The following ABCC2 variants were observed in gnomAD, a reference collection of about 807,000 sequenced individuals.
ABCC2 encodes the protein ATP-binding cassette sub-family C member 2.
In ABCC2, 157 loss-of-function variants were observed where a neutral mutation model predicts 173.4. The ratio of observed to expected loss-of-function variants is 0.91; its 90% CI spans 0.80 to 1.03. ABCC2 has a LOEUF of 1.03. ABCC2 is among the 50% of genes least tolerant of loss of function. The pLI, the probability that ABCC2 is intolerant of heterozygous loss-of-function variation, is 0.00. For synonymous variants in ABCC2, 657 were observed against 693.5 expected (o/e 0.95, Z 0.83); for missense variants, 1,822 against 1,852.3 (o/e 0.98, Z 0.30).
At position 99,851,524 on chromosome 10, in the gene ABCC2, A is replaced by G. The variant is rs1000373193; in HGVS notation, c.4531A>G (p.Lys1511Glu). The G allele has an allele frequency of 6.2e-7, 1 of 1,613,966 alleles. No homozygotes were observed. The highest frequency in any genetic ancestry group is 1.3e-5 in the African/African-American group (1 of 74,894). The stretch of plus-strand genomic sequence containing the variant: ...CAGGGTAATGGTCCTAGACAACGGG[A>G]AGATTATAGAGTGCGGCAGCCCTGA... The part of the protein sequence containing the change: ...SDKVMVLDNG[K>E]IIECGSPEEL... Residue 1511 changes from lysine to glutamate, a missense_variant, in exon 32 of 32, where the codon AAG (lysine) becomes GAG (glutamate). Transcript: ENST00000647814.
rs541224041 is a variant in ABCC2 at position 99,849,067 on chromosome 10, A to C, written c.4314-1535A>C. 2.3e-4 allele frequency among the ~76,000 whole-genome samples: 35 copies of C among 152,248 alleles called. 2 individuals are homozygous for C. In the South Asian group the frequency reaches 7.3e-3, roughly 32 times the overall value. ...TGGAGACACCCCATCTCTACTAAAC[A>C]TACAAAATTAGTGGGGCATGGTGGC... On this transcript the variant is annotated intron_variant, in intron 30 of 31. Coordinates refer to ENST00000647814, the MANE Select transcript of ABCC2 (RefSeq NM_000392.5).
intron 6 of ABCC2, among the ~76,000 whole-genome samples, chr10:99,795,801 A>AAGAAAGAAAGAGAGAG (rs58906337): frequency 9.8e-5 from 10 of 102,390 alleles, no homozygotes; most frequent in Admixed American, 3.0e-4. Context: ...GAAAGAAAGA[A>AAGAAAGAAAGAGAGAG]AGATTTCTAA....
rs765027508 is a variant in ABCC2, at chr10:99,804,043, A to C, written c.1234A>C (p.Arg412=). Residue 412 remains arginine (R), a synonymous_variant, in exon 10 of 32, where the codon AGG becomes CGG. Transcript: ENST00000647814. ...GGCATTGACCCTATCCAACTTGGCC[A>C]GGAAGGAGTACACCGTTGGAGAAAC... ...KKALTLSNLA[R]KEYTVGETVN... 6.2e-7 allele frequency: 1 copy of C among 1,614,214 alleles called. No homozygotes were observed. Among genetic ancestry groups the C allele is most frequent in the African/African-American group, 1.3e-5 (1 of 75,064 alleles).
Position 99,817,501 on chromosome 10 carries a change from G to A in ABCC2, c.2271+17G>A, listed in dbSNP as rs1345232099. The A allele has an allele frequency of 2.5e-6, 4 of 1,613,868 alleles. No individual in the cohort carries two copies. Among genetic ancestry groups the A allele is most frequent in the Non-Finnish European group, 2.5e-6 (3 of 1,179,884 alleles). ...GGAGAGAAGGTACTTGGGATAACAA[G>A]GGATCTTCAAGGGTGAAGGCATATT... On this transcript the variant is annotated intron_variant, in intron 17 of 31. Transcript: ENST00000647814.
chr10:99,804,369 G>T, intron 10 of ABCC2, 96 bp downstream of exon 10: 1 of 1,539,254 alleles, frequency 6.5e-7, no homozygotes, highest in Non-Finnish European at 8.9e-7. Context: ...TTTGGGCAAG[G>T]CAAAGCTGGT....
intron 2 of ABCC2, among the ~76,000 whole-genome samples, chr10:99,785,869 A>G (rs1008262761): frequency 6.6e-6 from 1 of 151,948 alleles, no homozygotes; most frequent in Non-Finnish European, 1.5e-5. Flanking sequence ...ACTAGATTCC[A>G]TTGTTCTACT....
chr10:99,814,311 A>G (rs1387938078), intron 16 of ABCC2, among the ~76,000 whole-genome samples: 2 of 126,302 alleles, frequency 1.6e-5, no homozygotes. Context: ...ACACACATGT[A>G]TATACACACG....
intron 13 of ABCC2, among the ~76,000 whole-genome samples, chr10:99,809,276 C>G (rs969928511): frequency 6.6e-6 from 1 of 152,168 alleles, no homozygotes; most frequent in African/African-American, 2.4e-5. Context: ...TCACTTGAAC[C>G]TGGGAGGTGG....
chr10:99,790,500 T>C (rs907658317), intron 2 of ABCC2, among the ~76,000 whole-genome samples: 8 of 152,212 alleles, frequency 5.3e-5, no homozygotes, highest in Non-Finnish European at 8.8e-5. Flanking sequence ...GAGTTTAATA[T>C]ATATAATCTT....
chr10:99,812,333 G>T (rs1365647217), intron 15 of ABCC2, among the ~76,000 whole-genome samples: 1 of 152,146 alleles, frequency 6.6e-6, no homozygotes, highest in African/African-American at 2.4e-5. Flanking sequence ...CACTGTTATA[G>T]GTCTGGAAGA....
chr10:99,847,191 G>T (rs1222005488), intron 30 of ABCC2, 64 bp downstream of exon 30: 1 of 1,569,524 alleles, frequency 6.4e-7, no homozygotes, highest in Non-Finnish European at 8.8e-7. Flanking sequence ...CACTCCTCGT[G>T]TTCCTCGTGT....
chr10:99,807,879 G>A (rs1349194594), intron 12 of ABCC2, among the ~76,000 whole-genome samples: 1 of 152,142 alleles, frequency 6.6e-6, no homozygotes, highest in East Asian at 1.9e-4. Flanking sequence ...CCTGAGCTCT[G>A]GTCCTAGTAA....
intron 13 of ABCC2, 138 bp from the exon 14 acceptor site, chr10:99,809,996 C>T (rs994040637): frequency 2.7e-6 from 2 of 738,106 alleles, no homozygotes; most frequent in African/African-American, 1.7e-5. Flanking sequence ...GGGATAGCTT[C>T]CGGGGCTGAG....
rs1461522153 is a variant in ABCC2 at position 99,831,977 on chromosome 10, G to A, written c.3104G>A (p.Gly1035Asp). The A allele has an allele frequency of 6.2e-7, 1 of 1,614,036 alleles. No individual in the cohort carries two copies. The highest frequency in any genetic ancestry group is 8.5e-7 in the Non-Finnish European group (1 of 1,180,026). Residue 1035 changes from glycine (G) to aspartate (D), a missense_variant and splice_region_variant, in exon 23 of 32, where the codon GGT becomes GAT. Transcript: ENST00000647814. ...CTGACAAAACTGCTTCCATCTCTAGGTATATTTGTGTTCATAGCACATTTC... is the reference window on the plus strand; with the variant it reads ...CTGACAAAACTGCTTCCATCTCTAGATATATTTGTGTTCATAGCACATTTC... ...GVYGALGLAQ[G>D]IFVFIAHFWS...
Position 99,841,878 on chromosome 10 carries a change from C to G in ABCC2, c.3615-89C>G. 1.9e-6 allele frequency: 3 copies of G among 1,596,522 alleles called. No individual in the cohort carries two copies. In the East Asian group the frequency reaches 6.7e-5, roughly 36 times the overall value. On this transcript the variant is annotated intron_variant, in intron 25 of 31. Transcript: ENST00000647814. ...GAGTGCGGCCCGATCAAGTCAAACC[C>G]TCTGAGAATGTTCTGTGAACGCCAA...
intron 19 of ABCC2, among the ~76,000 whole-genome samples, chr10:99,827,857 G>A (rs865942750): frequency 7.0e-6 from 1 of 143,180 alleles, no homozygotes; most frequent in Middle Eastern, 3.2e-3. Context: ...CTTACCGTAC[G>A]GCTGACTGTA....
chr10:99,807,975 A>T (rs1277420183), intron 12 of ABCC2, 108 bp from the exon 13 acceptor site: 6 of 1,361,766 alleles, frequency 4.4e-6, no homozygotes, highest in Middle Eastern at 1.8e-4. Context: ...GGGAGGCTGG[A>T]TGATCCTTAA....
intron 26 of ABCC2, among the ~76,000 whole-genome samples, 173 bp downstream of exon 26, chr10:99,842,266 T>C (rs1235793020): frequency 6.6e-6 from 1 of 152,204 alleles, no homozygotes; most frequent in Non-Finnish European, 1.5e-5. Context: ...TCCTTACTCT[T>C]CCTAAGTAGA....
intron 16 of ABCC2, among the ~76,000 whole-genome samples, chr10:99,814,025 A>G (rs1040253004): frequency 2.2e-4 from 33 of 151,278 alleles, no homozygotes; most frequent in African/African-American, 7.8e-4. Flanking sequence ...TTCCAAAATA[A>G]AAATCTGGTG....
Sources: gnomAD v4.1 joint callset for allele counts (sites outside exome capture counted in the v4.1 genomes callset) on GRCh38, gnomAD v4.1.1 for gene constraint, MANE v1.5 for transcripts, NCBI Gene and HGNC (gene_info 2026-07-23, HGNC 2026-07-21) for gene names.